The following THRB variants were observed in gnomAD, a reference collection of about 807,000 sequenced individuals.
THRB encodes the protein thyroid hormone receptor beta.
A neutral mutation model predicts 47.8 loss-of-function variants in THRB; 12 were observed. The observed-to-expected ratio is 0.25, with a 90% confidence interval of 0.16 to 0.41. The LOEUF is 0.41. Ranked by LOEUF, THRB falls within the 10% of genes least tolerant of loss-of-function variation. THRB has a pLI of 1.00. For synonymous variants in THRB, 218 were observed against 212.2 expected, an observed-to-expected ratio of 1.03 and a Z score of -0.24; for missense variants, 348 against 589.2, an observed-to-expected ratio of 0.59 and a Z score of 4.24.
chr3:24,285,370 G>A (rs1406604239), intron 3 of THRB, among the ~76,000 whole-genome samples: 1 of 147,544 alleles, frequency 6.8e-6, no homozygotes, highest in African/African-American at 2.5e-5. Flanking sequence ...CTCATAGGTG[G>A]GAATTGAACT....
chr3:24,205,307 G>C (rs111791157), intron 4 of THRB, among the ~76,000 whole-genome samples: 12,217 of 152,196 alleles, frequency 0.08, 1,541 homozygotes, highest in African/African-American at 0.27. Flanking sequence ...CAGATCTCTC[G>C]GCAGAAACTC....
At chr3:24,279,212 T>G (rs1000481353) in intron 3 of THRB, among the ~76,000 whole-genome samples, 1 of 152,156 alleles carries the variant, frequency 6.6e-6, no homozygotes, top group Non-Finnish European at 1.5e-5. Flanking sequence ...AATGGAGAAC[T>G]GGAACTATTT....
chr3:24,481,112 C>A (rs999258282), intron 1 of THRB, among the ~76,000 whole-genome samples: 50 of 151,794 alleles, frequency 3.3e-4, no homozygotes, highest in African/African-American at 1.2e-3. Flanking sequence ...TGGATTTTTG[C>A]TAGGTTTCAT....
chr3:24,487,940 CA>C (rs1221258418), intron 1 of THRB, among the ~76,000 whole-genome samples: 3 of 152,114 alleles, frequency 2.0e-5, no homozygotes, highest in Admixed American at 6.5e-5. Context: ...CCAAGAGAAA[CA>C]AATGGCAAAG....
At chr3:24,149,550 A>G (rs1236673154) in intron 6 of THRB, among the ~76,000 whole-genome samples, 1 of 152,214 alleles carries the variant, frequency 6.6e-6, no homozygotes, top group African/African-American at 2.4e-5. Context: ...TCCACAAAAG[A>G]GTTGAGATAG....
intron 5 of THRB, among the ~76,000 whole-genome samples, chr3:24,188,858 A>AATACATATATATATATATATATATAT: frequency 1.1e-5 from 1 of 94,342 alleles, no homozygotes; most frequent in East Asian, 2.8e-4. Flanking sequence ...GATCTCCTCA[A>AATACATATATATATATATATATATAT]ATATATATAT....
intron 1 of THRB, among the ~76,000 whole-genome samples, chr3:24,414,383 T>C (rs1577398632): frequency 6.6e-6 from 1 of 151,866 alleles, no homozygotes; most frequent in South Asian, 2.1e-4. Flanking sequence ...TGGTTCTCCT[T>C]CCTGAGTCCT....
chr3:24,452,835 G>A (rs148994788), intron 1 of THRB, among the ~76,000 whole-genome samples: 2,447 of 152,220 alleles, frequency 0.016, 31 homozygotes, highest in Non-Finnish European at 0.024. Context: ...AATTGTTCTG[G>A]CATCCTGTTG....
chr3:24,401,634 T>C (rs777036019), intron 1 of THRB, among the ~76,000 whole-genome samples: 9 of 152,068 alleles, frequency 5.9e-5, no homozygotes, highest in Non-Finnish European at 1.3e-4. Context: ...TTAGTGTTCT[T>C]ACTGCATTTC....
chr3:24,132,634 G>T (rs928827986), intron 9 of THRB, among the ~76,000 whole-genome samples: 2 of 152,198 alleles, frequency 1.3e-5, no homozygotes, highest in Non-Finnish European at 2.9e-5. Context: ...CACAGGGCAG[G>T]CCTGATAAAG....
At chr3:24,427,005 A>T (rs1048389082) in intron 1 of THRB, among the ~76,000 whole-genome samples, 1 of 151,628 alleles carries the variant, frequency 6.6e-6, no homozygotes, top group Non-Finnish European at 1.5e-5. Flanking sequence ...CTTGCCAAAA[A>T]CCCCTTGGCT....
chr3:24,296,746 G>T (rs139329055), intron 3 of THRB, among the ~76,000 whole-genome samples: 1 of 152,292 alleles, frequency 6.6e-6, no homozygotes, highest in East Asian at 1.9e-4. Flanking sequence ...CACCAAGGAG[G>T]GGGAGGATGT....
chr3:24,145,943 A>G (rs2036027570), intron 7 of THRB, among the ~76,000 whole-genome samples: 1 of 152,210 alleles, frequency 6.6e-6, no homozygotes. Context: ...CACATTCTGA[A>G]TGACATGATT....
intron 5 of THRB, among the ~76,000 whole-genome samples, chr3:24,158,477 G>C (rs141147058): frequency 0.03 from 4,610 of 151,198 alleles, 107 homozygotes; most frequent in South Asian, 0.076. Context: ...TGACCAGGCT[G>C]GAGTGCAATG....
At chr3:24,454,413 C>T (rs4858619) in intron 1 of THRB, among the ~76,000 whole-genome samples, 146,074 of 152,232 alleles carry the variant, frequency 0.96, 70,289 homozygotes, top group Non-Finnish European at 1. Flanking sequence ...AGGGGAGTGA[C>T]AAAAATGATC....
chr3:24,328,996 G>A (rs2061751636), intron 2 of THRB, among the ~76,000 whole-genome samples: 1 of 151,806 alleles, frequency 6.6e-6, no homozygotes, highest in Non-Finnish European at 1.5e-5. Context: ...ACCCAGGCTG[G>A]AGTGCAGTGC....
intron 1 of THRB, among the ~76,000 whole-genome samples, chr3:24,418,527 G>A (rs1035796849): frequency 2.6e-5 from 4 of 151,704 alleles, no homozygotes; most frequent in East Asian, 3.9e-4. Flanking sequence ...AAATATTGCC[G>A]ATTTAAAAAA....
intron 1 of THRB, among the ~76,000 whole-genome samples, chr3:24,436,781 C>T (rs1199898689): frequency 1.3e-5 from 2 of 152,166 alleles, no homozygotes; most frequent in African/African-American, 4.8e-5. Flanking sequence ...GCTCTGAGCA[C>T]TTCTCATTTA....
intron 1 of THRB, among the ~76,000 whole-genome samples, chr3:24,404,586 T>A (rs2067675330): frequency 6.6e-6 from 1 of 151,960 alleles, no homozygotes. Context: ...CTCTTCTCAA[T>A]CATTTTTTGT....
Sources: gnomAD v4.1 joint callset for allele counts (sites outside exome capture counted in the v4.1 genomes callset) on GRCh38, gnomAD v4.1.1 for gene constraint, MANE v1.5 for transcripts, NCBI Gene and HGNC (gene_info 2026-07-23, HGNC 2026-07-21) for gene names.